Variants in RBFOX1 observed in about 807,000 individuals in gnomAD.
The protein encoded by RBFOX1 is RNA binding protein fox-1 homolog 1.
RBFOX1 carries 8 observed loss-of-function variants against 57.7 expected under a neutral mutation model. The observed-to-expected ratio is 0.14, with a 90% CI of 0.08 to 0.25. RBFOX1 has a LOEUF of 0.25. Ranked by LOEUF, RBFOX1 falls within the 10% of genes least tolerant of loss-of-function variation. The pLI is 1.00. For synonymous variants in RBFOX1, 326 were observed against 222.4 expected, an observed-to-expected ratio of 1.47 and a Z score of -4.15; for missense variants, 611 against 548.5, an observed-to-expected ratio of 1.11 and a Z score of -1.14.
chr16:5,422,444 G>C (rs1483826714), intron 1 of RBFOX1, among the ~76,000 whole-genome samples: 1 of 138,400 alleles, frequency 7.2e-6, no homozygotes, highest in South Asian at 2.6e-4. Context: ...GTATGATGGA[G>C]AGGGAACATG....
chr16:6,562,095 C>G (rs2097186667), intron 2 of RBFOX1, among the ~76,000 whole-genome samples: 1 of 152,172 alleles, frequency 6.6e-6, no homozygotes, highest in Non-Finnish European at 1.5e-5. Flanking sequence ...TGCATTTCTA[C>G]TGATGTCGGC....
chr16:7,019,366 G>C (rs117785655), intron 3 of RBFOX1, among the ~76,000 whole-genome samples: 1 of 152,098 alleles, frequency 6.6e-6, no homozygotes, highest in African/African-American at 2.4e-5. Flanking sequence ...TTTTAGCTGA[G>C]ATTCATGGAC....
intron 2 of RBFOX1, among the ~76,000 whole-genome samples, chr16:6,602,670 G>A (rs1294640453): frequency 2.0e-5 from 3 of 152,172 alleles, no homozygotes; most frequent in African/African-American, 7.2e-5. Context: ...ACTGATGCAT[G>A]GACAGCTCAT....
chr16:5,288,474 A>C (rs377099757), intron 1 of RBFOX1, among the ~76,000 whole-genome samples: 1 of 152,082 alleles, frequency 6.6e-6, no homozygotes, highest in Non-Finnish European at 1.5e-5. Context: ...AGTGAATTAC[A>C]CATTGTAAAA....
intron 14 of RBFOX1, among the ~76,000 whole-genome samples, chr16:7,682,381 G>A (rs2074987900): frequency 6.6e-6 from 1 of 152,066 alleles, no homozygotes; most frequent in Admixed American, 6.6e-5. Context: ...AGGGATGGGA[G>A]AGTTTTCCAT....
At chr16:5,440,109 A>C (rs1325580040) in intron 1 of RBFOX1, among the ~76,000 whole-genome samples, 1 of 152,240 alleles carries the variant, frequency 6.6e-6, no homozygotes, top group African/African-American at 2.4e-5. Context: ...GTTGGATATA[A>C]GGTTGACTAT....
Position 5,972,852 on chromosome 16 carries a change from T to C in RBFOX1, c.351+105517T>C, listed in dbSNP as rs200991061. 2.0e-5 allele frequency among the ~76,000 whole-genome samples: 3 copies of C among 152,172 alleles called. No homozygotes were observed. In the East Asian group the frequency reaches 5.8e-4, roughly 29 times the overall value. On this transcript the variant is annotated intron_variant, in intron 4 of 19. Coordinates refer to the RBFOX1 transcript ENST00000641259. ...CTTCCTTAGTAGCAGGGGAGGTAAA[T>C]CTTGTCTTCAAGATCAGCTTTGAAT...
chr16:7,631,361 G>A (rs1178984231), intron 11 of RBFOX1, among the ~76,000 whole-genome samples: 3 of 152,188 alleles, frequency 2.0e-5, no homozygotes, highest in Non-Finnish European at 4.4e-5. Context: ...ACATTGACAT[G>A]GAAGAACCGA....
chr16:6,371,807 C>T (rs1321852149), intron 2 of RBFOX1, among the ~76,000 whole-genome samples: 1 of 152,148 alleles, frequency 6.6e-6, no homozygotes, highest in Non-Finnish European at 1.5e-5. Context: ...TTTGTTAATC[C>T]TTCCTAAGGA....
chr16:6,234,998 C>G (rs1040481520), intron 1 of RBFOX1, among the ~76,000 whole-genome samples: 1 of 152,100 alleles, frequency 6.6e-6, no homozygotes, highest in African/African-American at 2.4e-5. Context: ...TCCTTTGAGC[C>G]TGTAATTATT....
intron 4 of RBFOX1, among the ~76,000 whole-genome samples, chr16:7,071,781 C>G (rs1164587357): frequency 1.3e-5 from 2 of 152,006 alleles, no homozygotes; most frequent in African/African-American, 4.8e-5. Flanking sequence ...ACTTCATATA[C>G]CCAAATTCAC....
chr16:6,249,251 A>G (rs957403841), intron 1 of RBFOX1, among the ~76,000 whole-genome samples: 1 of 152,118 alleles, frequency 6.6e-6, no homozygotes, highest in Non-Finnish European at 1.5e-5. Context: ...AGAGCAGGAA[A>G]AAAAGAGACT....
At chr16:5,795,938 C>T (rs2054863172) in intron 3 of RBFOX1, among the ~76,000 whole-genome samples, 1 of 152,246 alleles carries the variant, frequency 6.6e-6, no homozygotes, top group African/African-American at 2.4e-5. Flanking sequence ...CAACACTCAC[C>T]AGTTGCATCA....
intron 4 of RBFOX1, among the ~76,000 whole-genome samples, chr16:6,011,243 C>T (rs774441816): frequency 9.2e-5 from 14 of 152,182 alleles, no homozygotes; most frequent in Non-Finnish European, 1.5e-4. Context: ...ACCTCATTGA[C>T]TCGCAACTTT....
intron 3 of RBFOX1, among the ~76,000 whole-genome samples, chr16:6,803,777 A>T (rs1005670774): frequency 6.6e-6 from 1 of 152,058 alleles, no homozygotes; most frequent in African/African-American, 2.4e-5. Flanking sequence ...AATAAGATTC[A>T]TAAGGAATGT....
intron 4 of RBFOX1, among the ~76,000 whole-genome samples, chr16:7,286,451 T>A (rs376738711): frequency 8.2e-5 from 12 of 145,942 alleles, no homozygotes; most frequent in African/African-American, 2.8e-4. Context: ...CTTTCTTATT[T>A]TTTTTTTTTT....
At chr16:7,447,374 A>T (rs552165463) in intron 4 of RBFOX1, among the ~76,000 whole-genome samples, 1 of 147,036 alleles carries the variant, frequency 6.8e-6, no homozygotes, top group South Asian at 2.2e-4. Flanking sequence ...CGGAGGTTGC[A>T]GTGAGCTGAG....
chr16:6,081,153 G>A (rs1427504586), intron 1 of RBFOX1, among the ~76,000 whole-genome samples: 1 of 152,186 alleles, frequency 6.6e-6, no homozygotes, highest in Non-Finnish European at 1.5e-5. Context: ...GCGTCTTTCA[G>A]ATACACTTTA....
intron 3 of RBFOX1, among the ~76,000 whole-genome samples, chr16:6,805,706 A>G (rs1029088822): frequency 2.0e-5 from 3 of 149,812 alleles, no homozygotes; most frequent in Non-Finnish European, 2.9e-5. Context: ...CATCTTGTCC[A>G]TTCTGCATGC....
Sources: gnomAD v4.1 joint callset for allele counts (sites outside exome capture counted in the v4.1 genomes callset) on GRCh38, gnomAD v4.1.1 for gene constraint, MANE v1.5 for transcripts, NCBI Gene and HGNC (gene_info 2026-07-23, HGNC 2026-07-21) for gene names.